The following PIP5K1A variants were observed in gnomAD, a reference collection of about 807,000 sequenced individuals.
PIP5K1A encodes the protein phosphatidylinositol-4-phosphate 5-kinase type 1 alpha.
In PIP5K1A, 46 loss-of-function variants were observed where a neutral mutation model predicts 72.9. That is an observed-to-expected ratio of 0.63 (90% CI 0.50 to 0.81). The LOEUF is 0.81. PIP5K1A is among the 30% of genes least tolerant of loss of function. PIP5K1A has a pLI of 0.00. For missense variants in PIP5K1A, 458 were observed against 706.1 expected (o/e 0.65, Z 3.98); for synonymous variants, 228 against 255.1 (o/e 0.89, Z 1.01).
At chr1:151,208,002 G>A (rs1275222332) in intron 1 of PIP5K1A, among the ~76,000 whole-genome samples, 1 of 151,534 alleles carries the variant, frequency 6.6e-6, no homozygotes, top group Non-Finnish European at 1.5e-5. Context: ...GGGATTACAG[G>A]CACATGCCAC....
At chr1:151,209,630 G>T (rs1376208807) in intron 1 of PIP5K1A, among the ~76,000 whole-genome samples, 1 of 151,982 alleles carries the variant, frequency 6.6e-6, no homozygotes, top group Non-Finnish European at 1.5e-5. Context: ...GTAGAGATGG[G>T]GTTTCTCCAT....
upstream of PIP5K1A, chr1:151,197,959 G>C (rs1684706098): frequency 6.8e-6 from 3 of 441,492 alleles, no homozygotes; most frequent in Non-Finnish European, 1.4e-5. Context: ...GTCGCGGGAA[G>C]GTTGTGATAA....
intron 4 of PIP5K1A, among the ~76,000 whole-genome samples, chr1:151,228,866 AC>A (rs1253897814): frequency 6.6e-6 from 1 of 151,912 alleles, no homozygotes; most frequent in Non-Finnish European, 1.5e-5. Context: ...CATGTCAATT[AC>A]TTTTACTGAG....
upstream of PIP5K1A, among the ~76,000 whole-genome samples, chr1:151,197,577 C>A (rs1021381728): frequency 6.6e-6 from 1 of 152,240 alleles, no homozygotes; most frequent in East Asian, 1.9e-4. Context: ...CCGCGCCCGG[C>A]CACAAAACCT....
At chr1:151,232,813 A>G in intron 7 of PIP5K1A, 110 bp downstream of exon 7, 1 of 991,426 alleles carries the variant, frequency 1.0e-6, no homozygotes, top group Non-Finnish European at 1.5e-6. Flanking sequence ...TTAAGAGTGT[A>G]GTTCAGGCCA....
intron 1 of PIP5K1A, among the ~76,000 whole-genome samples, chr1:151,214,066 C>T (rs1391233392): frequency 6.6e-6 from 1 of 151,634 alleles, no homozygotes; most frequent in Admixed American, 6.6e-5. Context: ...ATTTTTTGAC[C>T]TTTTTCCACT....
chr1:151,224,444 T>A, intron 3 of PIP5K1A, 38 bp downstream of exon 3: 1 of 1,401,444 alleles, frequency 7.1e-7, no homozygotes, highest in Non-Finnish European at 1.0e-6. Flanking sequence ...TTTATTGTAG[T>A]TTATTTTAAA....
At chr1:151,233,099 C>CAAAAAA (rs11431839) in intron 7 of PIP5K1A, among the ~76,000 whole-genome samples, 1 of 107,534 alleles carries the variant, frequency 9.3e-6, no homozygotes, top group Non-Finnish European at 1.8e-5. Flanking sequence ...GACTCCGTCT[C>CAAAAAA]AAAAAAAAAA....
At chr1:151,197,636 G>C (rs377562286), upstream of PIP5K1A, among the ~76,000 whole-genome samples, 18 of 152,324 alleles carry the variant, frequency 1.2e-4, no homozygotes, top group East Asian at 3.3e-3. Context: ...GGATCTATCT[G>C]ACCGACTCTT....
At position 151,240,375 on chromosome 1, in the gene PIP5K1A, C is replaced by T. The variant is rs150379709; in HGVS notation, c.1363+336C>T. 2.9e-3 allele frequency: 823 copies of T among 282,802 alleles called. 10 individuals carry two copies. Among genetic ancestry groups the T allele is most frequent in the African/African-American group, 0.018 (771 of 43,414 alleles). The allele number at this position is 282,802 out of a possible 1,614,324, so 17.5% of individuals were successfully genotyped here. A position where few individuals can be genotyped will look rare whatever the true frequency, so the allele number is the denominator to read the frequency against. ...TAGGCAGAGCCTATGTACAGAGATA[C>T]GCAGTGAGGTTAATGGTGTTCTGTT... On this transcript the variant is annotated intron_variant, in intron 12 of 15. Transcript: ENST00000368888.
intron 14 of PIP5K1A, among the ~76,000 whole-genome samples, chr1:151,246,096 A>C (rs889568209): frequency 1.3e-4 from 19 of 151,960 alleles, no homozygotes; most frequent in Non-Finnish European, 4.4e-5. Flanking sequence ...AAAATAGAAA[A>C]ATTAGCCAGG....
chr1:151,209,686 ACCT>A (rs1175497557), intron 1 of PIP5K1A, among the ~76,000 whole-genome samples: 1 of 150,600 alleles, frequency 6.6e-6, no homozygotes, highest in Non-Finnish European at 1.5e-5. Flanking sequence ...TGATCCGCCC[ACCT>A]CAGCCTCCCA....
intron 1 of PIP5K1A, chr1:151,199,284 G>A (rs1684861655): frequency 1.8e-6 from 2 of 1,108,234 alleles, no homozygotes; most frequent in South Asian, 3.3e-5. Flanking sequence ...CGAAAACTTT[G>A]GTTGTCTTTG....
chr1:151,211,598 C>T (rs1471366336), intron 1 of PIP5K1A, among the ~76,000 whole-genome samples: 2 of 151,746 alleles, frequency 1.3e-5, no homozygotes, highest in Non-Finnish European at 2.9e-5. Flanking sequence ...AGATCGAGAC[C>T]ATCCTGGCTA....
intron 7 of PIP5K1A, 78 bp from the exon 8 acceptor site, chr1:151,234,119 G>A: frequency 9.6e-7 from 1 of 1,037,932 alleles, no homozygotes; most frequent in Non-Finnish European, 1.4e-6. Context: ...GGGAGGATGG[G>A]TGGTAACTTT....
At chr1:151,200,811 G>T (rs1025894804) in intron 1 of PIP5K1A, among the ~76,000 whole-genome samples, 1 of 117,844 alleles carries the variant, frequency 8.5e-6, no homozygotes, top group African/African-American at 3.1e-5. Flanking sequence ...AAAGTGACAG[G>T]GTATTTATTT....
chr1:151,231,288 G>T (rs904331743), intron 4 of PIP5K1A, among the ~76,000 whole-genome samples: 11 of 151,712 alleles, frequency 7.3e-5, no homozygotes, highest in African/African-American at 2.7e-4. Context: ...TGTTTAGAGG[G>T]CTCCAGATAC....
In PIP5K1A at chr1:151,207,747, G is replaced by A. The variant is rs144407223; in HGVS notation, c.85+8666G>A. On this transcript the variant is annotated intron_variant, in intron 1 of 15. Coordinates refer to ENST00000368888, the MANE Select transcript of PIP5K1A (RefSeq NM_001135638.2). Reference sequence around the variant, plus strand: ...GGGTTTCACCATGCTGGCCAGGCTGGTCTTGAACTCCTGACCTCGTGATCT... The same window carrying A: ...GGGTTTCACCATGCTGGCCAGGCTGATCTTGAACTCCTGACCTCGTGATCT... 4.5e-3 allele frequency among the ~76,000 whole-genome samples: 676 copies of A among 151,258 alleles called. 6 individuals are homozygous for A. Among genetic ancestry groups the A allele is most frequent in the African/African-American group, 0.016 (642 of 41,206 alleles).
At chr1:151,232,435 T>C in intron 6 of PIP5K1A, 70 bp downstream of exon 6, 2 of 1,488,262 alleles carry the variant, frequency 1.3e-6, no homozygotes, top group Non-Finnish European at 1.9e-6. Flanking sequence ...AGGCCCCTTT[T>C]CTCCACAGTC....
Sources: gnomAD v4.1 joint callset for allele counts (sites outside exome capture counted in the v4.1 genomes callset) on GRCh38, gnomAD v4.1.1 for gene constraint, MANE v1.5 for transcripts, NCBI Gene and HGNC (gene_info 2026-07-23, HGNC 2026-07-21) for gene names.